CDCP1: variants seen among roughly 807,000 people sequenced by gnomAD.
The protein encoded by CDCP1 is CUB domain-containing protein 1.
A neutral mutation model predicts 60.2 loss-of-function variants in CDCP1; 29 were observed. The ratio of observed to expected loss-of-function variants is 0.48; its 90% CI spans 0.36 to 0.66. CDCP1 has a LOEUF of 0.66. CDCP1 is among the 30% of genes least tolerant of loss of function. The pLI, the probability that CDCP1 is intolerant of heterozygous loss-of-function variation, is 0.00. For synonymous variants in CDCP1, 387 were observed against 431.1 expected (o/e 0.90, Z 1.27); for missense variants, 876 against 1,074.3 (o/e 0.82, Z 2.58).
intron 3 of CDCP1, among the ~76,000 whole-genome samples, chr3:45,111,248 T>G (rs1380713280): frequency 6.6e-6 from 1 of 152,164 alleles, no homozygotes; most frequent in Admixed American, 6.5e-5. Context: ...AACAGTAAAA[T>G]AATTAGGAAG....
At chr3:45,108,475 C>T (rs1001333809) in intron 4 of CDCP1, among the ~76,000 whole-genome samples, 3 of 152,052 alleles carry the variant, frequency 2.0e-5, no homozygotes, top group African/African-American at 7.2e-5. Context: ...TAGAAATCAA[C>T]CCAGCTGATG....
intron 1 of CDCP1, among the ~76,000 whole-genome samples, chr3:45,143,165 T>C (rs1286619857): frequency 6.6e-6 from 1 of 152,120 alleles, no homozygotes; most frequent in Non-Finnish European, 1.5e-5. Context: ...GATCGCGCCA[T>C]TGCACTCCAG....
rs568895515 is a variant in CDCP1 at position 45,094,043 on chromosome 3, C to T, written c.1247-386G>A. 5.3e-5 allele frequency among the ~76,000 whole-genome samples: 8 copies of T among 152,238 alleles called. No individual in the cohort carries two copies. The South Asian group carries it at 1.4e-3, about 28-fold the overall frequency. On this transcript the variant is annotated intron_variant, in intron 5 of 8. Transcript: ENST00000296129. The stretch of plus-strand genomic sequence containing the variant: ...AGGCAGTTCTGGGCAGTGGTTGGAG[C>T]TGTGAGTGGCGTTGGGGAGATGTTA...
chr3:45,118,825 A>G (rs1698836770), intron 1 of CDCP1, among the ~76,000 whole-genome samples: 1 of 152,244 alleles, frequency 6.6e-6, no homozygotes, highest in Non-Finnish European at 1.5e-5. Context: ...CTGGTCACTG[A>G]CATGTGTTTC....
intron 3 of CDCP1, 63 bp from the exon 4 acceptor site, chr3:45,110,904 T>C (rs917241927): frequency 3.2e-5 from 49 of 1,539,282 alleles, no homozygotes; most frequent in Non-Finnish European, 4.1e-5. Flanking sequence ...CCTGGTTGTC[T>C]GCAGCCGAGG....
intron 1 of CDCP1, among the ~76,000 whole-genome samples, chr3:45,121,219 A>C (rs1373047194): frequency 6.6e-6 from 1 of 152,164 alleles, no homozygotes; most frequent in Non-Finnish European, 1.5e-5. Flanking sequence ...TTGAGAGAGA[A>C]TATATTCTCA....
At chr3:45,116,656 C>G (rs912931781) in intron 2 of CDCP1, among the ~76,000 whole-genome samples, 2 of 152,210 alleles carry the variant, frequency 1.3e-5, no homozygotes, top group South Asian at 2.1e-4. Flanking sequence ...GCCAACCTGT[C>G]TCTAGAATGG....
intron 8 of CDCP1, among the ~76,000 whole-genome samples, chr3:45,088,370 C>T (rs1698235633): frequency 6.6e-6 from 1 of 152,062 alleles, no homozygotes; most frequent in South Asian, 2.1e-4. Flanking sequence ...CCTGTAGTCC[C>T]AGTTACTCGG....
rs571678650 is a variant in CDCP1, at chr3:45,091,638, C to CG, written c.1628-101dup. 79 of 1,385,510 alleles carry CG rather than the reference C, an allele frequency of 5.7e-5. No homozygotes were observed. The East Asian group carries it at 1.7e-3, about 30-fold the overall frequency. The allele number at this position is 1,385,510 out of a possible 1,614,324, so 85.8% of individuals were successfully genotyped here. A position where few individuals can be genotyped will look rare whatever the true frequency, so the allele number is the denominator to read the frequency against. ...GACGAAGTCCAACTGTCCAGACCAGCGCTGTCTAACCGAACTTTCTGCGAT... is the reference window on the plus strand; with the variant it reads ...GACGAAGTCCAACTGTCCAGACCAGCGGCTGTCTAACCGAACTTTCTGCGAT... On this transcript the variant is annotated intron_variant, in intron 6 of 8. Coordinates refer to ENST00000296129, the MANE Select transcript of CDCP1 (RefSeq NM_022842.5). This position sits in a 1 kb window ranked among gnomAD's most constrained non-coding sequence, Gnocchi z 4.8.
At chr3:45,110,191 T>G in intron 4 of CDCP1, 1 of 1,284,436 alleles carries the variant, frequency 7.8e-7, no homozygotes, top group Non-Finnish European at 9.9e-7. Flanking sequence ...AGACATAAGA[T>G]CTAGAAAAAT....
chr3:45,130,994 G>A (rs1177313785), intron 1 of CDCP1, among the ~76,000 whole-genome samples: 1 of 152,076 alleles, frequency 6.6e-6, no homozygotes. Context: ...AGCCTCCTGA[G>A]TAGCTGGGAC....
At position 45,085,463 on chromosome 3, in the gene CDCP1, TG is replaced by T. The variant is rs1698171457; in HGVS notation, c.*174del. On this transcript the variant is annotated 3_prime_UTR_variant, in exon 9 of 9. Coordinates refer to ENST00000296129, the MANE Select transcript of CDCP1 (RefSeq NM_022842.5). The surrounding 1 kb of genome is among the most constrained non-coding windows in gnomAD (Gnocchi z 4.2). ...CCAGATTGGAATTCATCATTTTCAA[TG>T]TCTTGCCCTTAGAATGAGTCCACTG... The T allele has an allele frequency of 3.1e-6, 2 of 646,668 alleles. No individual in the cohort carries two copies. Among genetic ancestry groups the T allele is most frequent in the Non-Finnish European group, 5.4e-6 (2 of 371,210 alleles). 40.1% of individuals were successfully genotyped at this position (646,668 alleles called of 1,614,324 possible). A position where few individuals can be genotyped will look rare whatever the true frequency, so the allele number is the denominator to read the frequency against.
In CDCP1 at chr3:45,146,210, C is replaced by T. The variant is rs1231295644; in HGVS notation, c.78G>A (p.Gly26=). The change falls in exon 1 of 9, where the codon GGG becomes GGA. Residue 26 remains glycine (G), a synonymous_variant. Coordinates refer to ENST00000296129, the MANE Select transcript of CDCP1 (RefSeq NM_022842.5). ...CCTCCAAAGCCCGGCACTCACCTGC[C>T]CCGCGCGGCAGGCGCGCCGCACCCA... is the stretch of plus-strand genomic sequence containing the variant. The part of the protein sequence containing the change: ...LLLGAARLPR[G]AEAFEIALPR... The T allele has an allele frequency of 6.3e-7, 1 of 1,594,020 alleles. No individual in the cohort carries two copies. Among genetic ancestry groups the T allele is most frequent in the Non-Finnish European group, 8.5e-7 (1 of 1,172,666 alleles).
intron 1 of CDCP1, among the ~76,000 whole-genome samples, chr3:45,142,331 G>A (rs943298908): frequency 6.6e-6 from 1 of 152,040 alleles, no homozygotes; most frequent in East Asian, 1.9e-4. Context: ...AGGCAAAAAC[G>A]CAGGTGAGGC....
chr3:45,128,624 C>G (rs368446975), intron 1 of CDCP1, among the ~76,000 whole-genome samples: 1 of 152,204 alleles, frequency 6.6e-6, no homozygotes, highest in Non-Finnish European at 1.5e-5. Flanking sequence ...TTTATCAACA[C>G]GGGACTGTTT....
rs199848700 is a variant in CDCP1 at position 45,095,491 on chromosome 3, G to T, written c.1102C>A (p.Arg368Ser). The change falls in exon 5 of 9, where the codon CGC becomes AGC. Residue 368 changes from arginine (R) to serine (S), a missense_variant. By Grantham distance (110) the Arg-to-Ser change is moderately radical. This residue lies in a region of CDCP1 where 726 missense variants were observed against 935.7 expected (regional missense o/e 0.78). Transcript: ENST00000296129. ...ACGAAACAGCCAGGGACAAACTTGC[G>T]GCTCTGTTTGACGGGCCGTGGCTCG... ...TIEPRPVKQSRKFVPGCFVCL... is the reference protein window; with the variant it reads ...TIEPRPVKQSSKFVPGCFVCL... 1.2e-6 allele frequency: 2 copies of T among 1,614,176 alleles called. No homozygotes were observed. The highest frequency in any genetic ancestry group is 2.2e-5 in the South Asian group (2 of 91,086).
chr3:45,117,190 T>C (rs906051237), intron 2 of CDCP1, among the ~76,000 whole-genome samples: 5 of 152,212 alleles, frequency 3.3e-5, no homozygotes, highest in Non-Finnish European at 7.3e-5. Flanking sequence ...AATACATCTA[T>C]TCATCCTATT....
intron 8 of CDCP1, 49 bp from the exon 9 acceptor site, chr3:45,086,116 C>T (rs1405533554): frequency 9.9e-6 from 15 of 1,514,096 alleles, no homozygotes; most frequent in Middle Eastern, 1.7e-4. Flanking sequence ...CAAGAATCTT[C>T]GATGGGTACC....
At chr3:45,121,728 G>A (rs1241706469) in intron 1 of CDCP1, among the ~76,000 whole-genome samples, 2 of 152,036 alleles carry the variant, frequency 1.3e-5, no homozygotes, top group Admixed American at 6.6e-5. Flanking sequence ...CAGGGTGAGG[G>A]GACTGTTTTG....
Sources: gnomAD v4.1 joint callset for allele counts (sites outside exome capture counted in the v4.1 genomes callset) on GRCh38, gnomAD v4.1.1 for gene constraint, gnomAD v4.1.1 regional missense constraint, Gnocchi (gnomAD v3.1) non-coding constraint, MANE v1.5 for transcripts, NCBI Gene and HGNC (gene_info 2026-07-23, HGNC 2026-07-21) for gene names.